NKX1-1: variants seen among roughly 807,000 people sequenced by gnomAD.
The protein encoded by NKX1-1 is NK1 homeobox 1, also known as NK1 transcription factor-related protein 1.
NKX1-1 carries 7 observed loss-of-function variants against 1.7 expected under a neutral mutation model. The ratio of observed to expected loss-of-function variants is 4.22; its 90% CI spans 2.40 to 7.92. The LOEUF is 7.92. Among genes scored for constraint, NKX1-1 ranks in the 30% most tolerant of loss-of-function variants. The pLI is 0.00. For missense variants in NKX1-1, 453 were observed against 171.5 expected, an observed-to-expected ratio of 2.64 and a Z score of -9.17; for synonymous variants, 242 against 85.3, an observed-to-expected ratio of 2.84 and a Z score of -10.13.
chr4:1,403,074 G>T lies in NKX1-1; in HGVS notation c.1205C>A (p.Pro402Gln), dbSNP rs1244870105. 4 of 478,500 alleles carry T rather than the reference G, an allele frequency of 8.4e-6. No individual in the cohort carries two copies. The highest frequency in any genetic ancestry group is 1.1e-5 in the Non-Finnish European group (3 of 273,134). The allele number at this position is 478,500 out of a possible 1,614,324, so 29.6% of individuals were successfully genotyped here. Residue 402 changes from proline (P) to glutamine (Q), a missense_variant, in exon 2 of 2, where the codon CCG becomes CAG. Coordinates refer to ENST00000422806, the MANE Select transcript of NKX1-1 (RefSeq NM_001290079.1). ...GGGGCCGTGCGCCGGGTACCCGGCC[G>T]GGCCGTGCATGCCGAGCGGGGCGCC... Reference protein sequence around the residue: ...PMGAPLGMHGPAGYPAHGPGG... With the variant: ...PMGAPLGMHGQAGYPAHGPGG...
intron 1 of NKX1-1, among the ~76,000 whole-genome samples, chr4:1,404,576 C>G (rs531511971): frequency 6.6e-6 from 1 of 152,184 alleles, no homozygotes; most frequent in African/African-American, 2.4e-5. Flanking sequence ...CCCGGTCGGC[C>G]GAGTCTGAAC....
chr4:1,404,719 G>C (rs1720721274), intron 1 of NKX1-1, among the ~76,000 whole-genome samples: 1 of 152,268 alleles, frequency 6.6e-6, no homozygotes, highest in Admixed American at 6.5e-5. Flanking sequence ...GGAGGAGTCG[G>C]GGCAGGTGCC....
chr4:1,403,754 G>A lies in NKX1-1; in HGVS notation c.525C>T (p.Ser175=). Residue 175 remains serine, a synonymous_variant, in exon 2 of 2, where the codon AGC becomes AGT. Coordinates refer to ENST00000422806, the MANE Select transcript of NKX1-1 (RefSeq NM_001290079.1). The stretch of plus-strand genomic sequence containing the variant: ...CGCTCGGGCTGTGGCCGCCGCCGCC[G>A]CTGCTGTAGCCGTTGGTGTCGTTGG... The part of the protein sequence containing the change: ...AETNDTNGYS[S]GGGGHSPSAD... 2.9e-6 allele frequency: 2 copies of A among 683,206 alleles called. No homozygotes were observed. Among genetic ancestry groups the A allele is most frequent in the Middle Eastern group, 2.3e-4 (1 of 4,296 alleles). The allele number at this position is 683,206 out of a possible 1,614,324, so 42.3% of individuals were successfully genotyped here.
At position 1,403,836 on chromosome 4, in the gene NKX1-1, G is replaced by A. The variant is rs1313519558; in HGVS notation, c.464-21C>T. On this transcript the variant is annotated intron_variant, in intron 1 of 1. Coordinates refer to ENST00000422806, the MANE Select transcript of NKX1-1 (RefSeq NM_001290079.1). ...GGCGTCTGCGGGAGGGAGGGACAAG[G>A]ACAGGGCAGGGCAGTTAGGACCGGC... 3 of 647,592 alleles carry A rather than the reference G, an allele frequency of 4.6e-6. No individual in the cohort carries two copies. The South Asian group carries it at 4.8e-5, about 10-fold the overall frequency. 40.1% of individuals were successfully genotyped at this position (647,592 alleles called of 1,614,324 possible). A position where few individuals can be genotyped will look rare whatever the true frequency, so the allele number is the denominator to read the frequency against.
intron 1 of NKX1-1, among the ~76,000 whole-genome samples, chr4:1,404,166 A>C (rs1720712570): frequency 6.6e-6 from 1 of 152,138 alleles, no homozygotes; most frequent in Non-Finnish European, 1.5e-5. Context: ...ATCACAGCGG[A>C]GTGGAAGCTC....
In NKX1-1 at chr4:1,406,070, C is replaced by A. The variant is rs1473327255; in HGVS notation, c.373G>T (p.Ala125Ser). 2 of 495,448 alleles carry A rather than the reference C, an allele frequency of 4.0e-6. No homozygotes were observed. Among genetic ancestry groups the A allele is most frequent in the South Asian group, 3.3e-5 (1 of 30,350 alleles). 30.7% of individuals were successfully genotyped at this position (495,448 alleles called of 1,614,324 possible). ...ASAPCAPAPA[A>S]SGRPPRAEEL... ...TCCGCGCGTGGCGGGCGTCCCGAGG[C>A]GGCGGGTGCAGGGGCGCATGGGGCC... Residue 125 changes from alanine to serine, a missense_variant, in exon 1 of 2, where the codon GCC becomes TCC. Ala to Ser is a moderately conservative substitution (Grantham distance 99). Coordinates refer to ENST00000422806, the MANE Select transcript of NKX1-1 (RefSeq NM_001290079.1).
At chr4:1,405,201 C>A (rs1720728633) in intron 1 of NKX1-1, among the ~76,000 whole-genome samples, 1 of 152,348 alleles carries the variant, frequency 6.6e-6, no homozygotes, top group African/African-American at 2.4e-5. Context: ...CGGTCCGCCC[C>A]GCGCTGTCCT....
At position 1,406,422 on chromosome 4, in the gene NKX1-1, C is replaced by T; in HGVS notation, c.21G>A (p.Glu7=). Residue 7 remains glutamate (E), a synonymous_variant, in exon 1 of 2, where the codon GAG becomes GAA. Coordinates refer to ENST00000422806, the MANE Select transcript of NKX1-1 (RefSeq NM_001290079.1). ...GTAGCGCGGGAATGTCCCCAGGAGC[C>T]TCGGGGCCGCTAGCGCTCATGCCGG... MSASGP[E]APGDIPALPP... is the part of the protein sequence containing the mutation. 1 of 343,234 alleles carries T rather than the reference C, an allele frequency of 2.9e-6. No individual in the cohort carries two copies. The highest frequency in any genetic ancestry group is 5.2e-6 in the Non-Finnish European group (1 of 190,880). The allele number at this position is 343,234 out of a possible 1,614,324, so 21.3% of individuals were successfully genotyped here.
Position 1,403,322 on chromosome 4 carries a change from G to A in NKX1-1, c.957C>T (p.Arg319=). ...TGAGGCGCTCGCACACCGACAGGTA[G>A]CGCGTGGCCTTGAACTTGTTCTCCA... ...VALENKFKAT[R]YLSVCERLNL... is the part of the protein sequence containing the mutation. The change falls in exon 2 of 2, where the codon CGC becomes CGT. Residue 319 remains arginine (R), a synonymous_variant. Coordinates refer to ENST00000422806, the MANE Select transcript of NKX1-1 (RefSeq NM_001290079.1). 1.4e-6 allele frequency: 1 copy of A among 720,258 alleles called. No homozygotes were observed. The highest frequency in any genetic ancestry group is 1.5e-5 in the South Asian group (1 of 65,608). 44.6% of individuals were successfully genotyped at this position (720,258 alleles called of 1,614,324 possible). A position where few individuals can be genotyped will look rare whatever the true frequency, so the allele number is the denominator to read the frequency against.
In NKX1-1 at chr4:1,403,723, T is replaced by C. The variant is rs1256488559; in HGVS notation, c.556A>G (p.Ser186Gly). ...TCGTCGTCGGGAACCTCGTCCCCGC[T>C]GTCCGCGCTCGGGCTGTGGCCGCCG... Reference protein sequence around the residue: ...GGGGHSPSADSGDEVPDDEDD... With the variant: ...GGGGHSPSADGGDEVPDDEDD... Residue 186 changes from serine (S) to glycine (G), a missense_variant, in exon 2 of 2, where the codon AGC (serine) becomes GGC (glycine). Physicochemically the swap from Ser to Gly is moderately conservative, Grantham distance 56. Transcript: ENST00000422806. 2.9e-6 allele frequency: 2 copies of C among 687,600 alleles called. No homozygotes were observed. Among genetic ancestry groups the C allele is most frequent in the African/African-American group, 1.8e-5 (1 of 54,070 alleles). The allele number at this position is 687,600 out of a possible 1,614,324, so 42.6% of individuals were successfully genotyped here. A position where few individuals can be genotyped will look rare whatever the true frequency, so the allele number is the denominator to read the frequency against.
chr4:1,403,877 G>A (rs1036837305), intron 1 of NKX1-1, 62 bp from the exon 2 acceptor site: 24 of 531,932 alleles, frequency 4.5e-5, no homozygotes, highest in Non-Finnish European at 7.7e-5. Context: ...CCCAGATCCC[G>A]CCCTCCGCGC....
Position 1,403,369 on chromosome 4 carries a change from T to C in NKX1-1, c.910A>G (p.Thr304Ala). The C allele has an allele frequency of 1.4e-6, 1 of 716,918 alleles. No individual in the cohort carries two copies. Among genetic ancestry groups the C allele is most frequent in the East Asian group, 3.2e-5 (1 of 31,680 alleles). The allele number at this position is 716,918 out of a possible 1,614,324, so 44.4% of individuals were successfully genotyped here. ...GKPRRARTAFTYEQLVALENK... is the reference protein window; with the variant it reads ...GKPRRARTAFAYEQLVALENK... Reference sequence around the variant, plus strand: ...TCCAGCGCCACGAGCTGCTCGTAGGTGAAGGCGGTGCGCGCTCGCCGCGGC... The same window carrying C: ...TCCAGCGCCACGAGCTGCTCGTAGGCGAAGGCGGTGCGCGCTCGCCGCGGC... The change falls in exon 2 of 2, where the codon ACC becomes GCC. Residue 304 changes from threonine to alanine, a missense_variant. Transcript: ENST00000422806.
chr4:1,403,474 CG>C lies in NKX1-1; in HGVS notation c.804del (p.Ala269ArgfsTer72). ...GCCGTGCCCTGCGGGGTGGTCCCCG[CG>C]CCCCCCGGCGCCGCTGCACCTCCCG... is the stretch of plus-strand genomic sequence containing the variant. ...GPPGGAAAPG[G>X]AGTTPQGTAT... On this transcript the variant is annotated frameshift_variant, in exon 2 of 2. Coordinates refer to ENST00000422806, the MANE Select transcript of NKX1-1 (RefSeq NM_001290079.1). LOFTEE classifies it low-confidence loss of function (END_TRUNC). 3.5e-6 allele frequency: 2 copies of C among 572,102 alleles called. No individual in the cohort carries two copies. The highest frequency in any genetic ancestry group is 6.2e-6 in the Non-Finnish European group (2 of 324,402). The allele number at this position is 572,102 out of a possible 1,614,324, so 35.4% of individuals were successfully genotyped here.
At position 1,406,108 on chromosome 4, in the gene NKX1-1, G is replaced by T. The variant is rs1720746616; in HGVS notation, c.335C>A (p.Ala112Asp). Residue 112 changes from alanine to aspartate, a missense_variant, in exon 1 of 2, where the codon GCC becomes GAC. Physicochemically the swap from Ala to Asp is moderately radical, Grantham distance 126. Coordinates refer to ENST00000422806, the MANE Select transcript of NKX1-1 (RefSeq NM_001290079.1). Reference sequence around the variant, plus strand: ...GGCGCATGGGGCCGAAGCGCAAGGGGCGCACGCAGCGGGAGCCACTGGGCC... The same window carrying T: ...GGCGCATGGGGCCGAAGCGCAAGGGTCGCACGCAGCGGGAGCCACTGGGCC... ...LLGPVAPAAC[A>D]PCASAPCAPA... is the part of the protein sequence containing the mutation. The T allele has an allele frequency of 5.2e-6, 3 of 580,840 alleles. No individual in the cohort carries two copies. Among genetic ancestry groups the T allele is most frequent in the Non-Finnish European group, 9.2e-6 (3 of 326,318 alleles). 36.0% of individuals were successfully genotyped at this position (580,840 alleles called of 1,614,324 possible).
Position 1,406,090 on chromosome 4 carries a change from G to A in NKX1-1, c.353C>T (p.Pro118Leu). The change falls in exon 1 of 2, where the codon CCA (proline) becomes CTA (leucine). Residue 118 changes from proline (P) to leucine (L), a missense_variant. Physicochemically the swap from Pro to Leu is moderately conservative, Grantham distance 98 (BLOSUM62 -3). Coordinates refer to ENST00000422806, the MANE Select transcript of NKX1-1 (RefSeq NM_001290079.1). ...CGAGGCGGCGGGTGCAGGGGCGCAT[G>A]GGGCCGAAGCGCAAGGGGCGCACGC... ...PAACAPCASA[P>L]CAPAPAASGR... 1.8e-6 allele frequency: 1 copy of A among 541,366 alleles called. No individual in the cohort carries two copies. Among genetic ancestry groups the A allele is most frequent in the Non-Finnish European group, 3.3e-6 (1 of 307,352 alleles). 33.5% of individuals were successfully genotyped at this position (541,366 alleles called of 1,614,324 possible). A position where few individuals can be genotyped will look rare whatever the true frequency, so the allele number is the denominator to read the frequency against.
chr4:1,403,604 C>G lies in NKX1-1; in HGVS notation c.675G>C (p.Ser225=). ...GGGGGLGARG[S]GCQGAAETDA... ...CGGTCTCAGCCGCGCCCTGGCAACC[C>G]GACCCGCGGGCCCCGAGGCCGCCGC... The change falls in exon 2 of 2, where the codon TCG becomes TCC. Residue 225 remains serine, a synonymous_variant. Transcript: ENST00000422806. 1 of 478,814 alleles carries G rather than the reference C, an allele frequency of 2.1e-6. No individual in the cohort carries two copies. Among genetic ancestry groups the G allele is most frequent in the East Asian group, 3.5e-5 (1 of 28,228 alleles). The allele number at this position is 478,814 out of a possible 1,614,324, so 29.7% of individuals were successfully genotyped here.
At position 1,406,009 on chromosome 4, in the gene NKX1-1, C is replaced by A. The variant is rs1720743547; in HGVS notation, c.434G>T (p.Gly145Val). 3 of 476,538 alleles carry A rather than the reference C, an allele frequency of 6.3e-6. No homozygotes were observed. The highest frequency in any genetic ancestry group is 1.1e-5 in the Non-Finnish European group (3 of 275,996). The allele number at this position is 476,538 out of a possible 1,614,324, so 29.5% of individuals were successfully genotyped here. The stretch of plus-strand genomic sequence containing the variant: ...CGGCTCAGCTCCGGCGGCTCCGACT[C>A]CCCCGGCGCCGGCGAGGGCGCGGCG... ...LERRALAGAG[G>V]VGAAGAEPPN... is the part of the protein sequence containing the mutation. Residue 145 changes from glycine to valine, a missense_variant, in exon 1 of 2, where the codon GGA becomes GTA. Coordinates refer to ENST00000422806, the MANE Select transcript of NKX1-1 (RefSeq NM_001290079.1).
Position 1,406,084 on chromosome 4 carries a change from G to A in NKX1-1, c.359C>T (p.Ala120Val), listed in dbSNP as rs1229644128. ...ACAPCASAPCAPAPAASGRPP... is the reference protein window; with the variant it reads ...ACAPCASAPCVPAPAASGRPP... ...GCGTCCCGAGGCGGCGGGTGCAGGG[G>A]CGCATGGGGCCGAAGCGCAAGGGGC... The change falls in exon 1 of 2, where the codon GCC becomes GTC. Residue 120 changes from alanine (A) to valine (V), a missense_variant. Coordinates refer to ENST00000422806, the MANE Select transcript of NKX1-1 (RefSeq NM_001290079.1). 1.9e-6 allele frequency: 1 copy of A among 536,164 alleles called. No homozygotes were observed. Among genetic ancestry groups the A allele is most frequent in the Non-Finnish European group, 3.3e-6 (1 of 305,286 alleles). The allele number at this position is 536,164 out of a possible 1,614,324, so 33.2% of individuals were successfully genotyped here.
chr4:1,403,842 G>A (rs1464943085), intron 1 of NKX1-1, 27 bp from the exon 2 acceptor site: 1 of 630,074 alleles, frequency 1.6e-6, no homozygotes, highest in Non-Finnish European at 2.8e-6. Context: ...CAAGGACAGG[G>A]CAGGGCAGTT....
Sources: allele counts gnomAD v4.1 joint callset (sites outside exome capture counted in the v4.1 genomes callset), GRCh38; gene constraint gnomAD v4.1.1; transcripts MANE v1.5; gene names NCBI Gene and HGNC (gene_info 2026-07-23, HGNC 2026-07-21).